GRM5: variants seen among roughly 807,000 people sequenced by gnomAD.
GRM5 encodes the protein metabotropic glutamate receptor 5.
Under a neutral mutation model 83.1 loss-of-function variants are expected in GRM5, and 19 were observed. That is an observed-to-expected ratio of 0.23 (90% CI 0.16 to 0.34). The LOEUF (loss-of-function observed/expected upper bound fraction) is 0.34. GRM5 is among the 10% of genes least tolerant of loss of function. GRM5 has a pLI of 1.00. For missense variants in GRM5, 1,160 were observed against 1,588.3 expected (o/e 0.73, Z 4.58); for synonymous variants, 675 against 633.6 (o/e 1.07, Z -0.98).
intron 2 of GRM5, among the ~76,000 whole-genome samples, chr11:88,992,778 A>G (rs143277999): frequency 0.097 from 14,640 of 150,608 alleles, 2,284 homozygotes; most frequent in African/African-American, 0.33. Context: ...CAAAAAACCA[A>G]GCACCACGTG....
At chr11:88,919,179 A>G (rs1945644894) in intron 2 of GRM5, among the ~76,000 whole-genome samples, 2 of 140,216 alleles carry the variant, frequency 1.4e-5, no homozygotes, top group African/African-American at 2.5e-5. Context: ...TACACTGAAA[A>G]AAAAAAAGAT....
At chr11:88,664,078 C>A (rs115475258) in intron 3 of GRM5, among the ~76,000 whole-genome samples, 2 of 152,092 alleles carry the variant, frequency 1.3e-5, no homozygotes, top group Non-Finnish European at 2.9e-5. Context: ...TTGCTAAGTT[C>A]TCTGCAGAGT....
intron 3 of GRM5, among the ~76,000 whole-genome samples, chr11:88,822,774 T>G (rs1943823287): frequency 1.3e-5 from 2 of 151,986 alleles, no homozygotes; most frequent in Admixed American, 1.3e-4. Context: ...ATTCTTTCTC[T>G]CTCTCTTTCT....
rs577004634 is a variant in GRM5, at chr11:88,681,760, G to T, written c.912-28357C>A. On this transcript the variant is annotated intron_variant, in intron 3 of 9. Transcript: ENST00000305447. Reference sequence around the variant, plus strand: ...TAATTTTTGTATTTTTAGTAGAGACGTGGTTTCACCATGTTGGCCATGCTG... The same window carrying T: ...TAATTTTTGTATTTTTAGTAGAGACTTGGTTTCACCATGTTGGCCATGCTG... 2.4e-4 allele frequency among the ~76,000 whole-genome samples: 36 copies of T among 150,988 alleles called. No individual in the cohort carries two copies. In the East Asian group the frequency reaches 6.6e-3, roughly 28 times the overall value.
intron 2 of GRM5, among the ~76,000 whole-genome samples, chr11:88,953,213 G>C (rs1938515745): frequency 6.6e-6 from 1 of 152,150 alleles, no homozygotes; most frequent in South Asian, 2.1e-4. Flanking sequence ...GAAAGAGAAA[G>C]GATCAAGACA....
intron 7 of GRM5, among the ~76,000 whole-genome samples, chr11:88,579,682 A>T (rs1328173423): frequency 6.6e-6 from 1 of 152,196 alleles, no homozygotes; most frequent in Non-Finnish European, 1.5e-5. Context: ...GGGAGGAAGA[A>T]CCAGATGAAG....
chr11:88,609,071 G>A (rs893832809), intron 4 of GRM5, among the ~76,000 whole-genome samples: 1 of 152,100 alleles, frequency 6.6e-6, no homozygotes, highest in African/African-American at 2.4e-5. Flanking sequence ...CTGAGGATTG[G>A]TGTATAAATG....
At chr11:88,944,213 A>G (rs1159044141) in intron 2 of GRM5, among the ~76,000 whole-genome samples, 1 of 151,992 alleles carries the variant, frequency 6.6e-6, no homozygotes, top group African/African-American at 2.4e-5. Flanking sequence ...CCAGAAAAAT[A>G]GAGAGAAGCC....
chr11:88,600,364 CTA>C (rs1261662673), intron 5 of GRM5, among the ~76,000 whole-genome samples: 2 of 132,630 alleles, frequency 1.5e-5, no homozygotes, highest in East Asian at 5.2e-4. Context: ...CTCTTGGTTT[CTA>C]TATTTCTCTG....
intron 9 of GRM5, among the ~76,000 whole-genome samples, chr11:88,514,260 A>G (rs983143025): frequency 2.0e-5 from 3 of 152,184 alleles, no homozygotes; most frequent in Admixed American, 6.5e-5. Flanking sequence ...CAGCATATCA[A>G]TAATGTTATT....
chr11:88,668,338 CACAG>C (rs1200388282), intron 3 of GRM5, among the ~76,000 whole-genome samples: 8 of 138,306 alleles, frequency 5.8e-5, no homozygotes, highest in Admixed American at 2.2e-4. Context: ...CACACACACA[CACAG>C]AGTCTGGCCC....
At chr11:88,837,750 A>G (rs1265224292) in intron 3 of GRM5, among the ~76,000 whole-genome samples, 1 of 152,078 alleles carries the variant, frequency 6.6e-6, no homozygotes, top group Admixed American at 6.6e-5. Flanking sequence ...TATTATTTAC[A>G]TTTCAGCTTA....
chr11:88,624,571 C>G (rs926086146), intron 4 of GRM5, among the ~76,000 whole-genome samples: 2 of 152,114 alleles, frequency 1.3e-5, no homozygotes, highest in African/African-American at 4.8e-5. Context: ...AATCCCAGTG[C>G]TTTGGGGGAC....
In GRM5 at chr11:89,042,034, T is replaced by C. The variant is rs1056228025; in HGVS notation, c.661+5178A>G. The stretch of plus-strand genomic sequence containing the variant: ...TCAAGAGCAAATTGATCATGCTATT[T>C]CTCAAGGCTAATTTTTATTTTTATT... On this transcript the variant is annotated intron_variant, in intron 2 of 9. Transcript: ENST00000305447. Among the ~76,000 whole-genome samples the C allele has an allele frequency of 9.2e-5, 14 of 152,134 alleles. 1 individual carries two copies. Among genetic ancestry groups the C allele is most frequent in the African/African-American group, 3.1e-4 (13 of 41,432 alleles).
At chr11:89,045,411 A>C (rs1941621350) in intron 2 of GRM5, among the ~76,000 whole-genome samples, 1 of 152,160 alleles carries the variant, frequency 6.6e-6, no homozygotes, top group African/African-American at 2.4e-5. Flanking sequence ...GATCCAATCA[A>C]ATTGTTTGCA....
At position 88,597,437 on chromosome 11, in the gene GRM5, G is replaced by A; in HGVS notation, c.1395-85C>T. 2.6e-5 allele frequency: 18 copies of A among 693,952 alleles called. No individual in the cohort carries two copies. The South Asian group carries it at 3.3e-4, about 13-fold the overall frequency. 43.0% of individuals were successfully genotyped at this position (693,952 alleles called of 1,614,324 possible). A position where few individuals can be genotyped will look rare whatever the true frequency, so the allele number is the denominator to read the frequency against. On this transcript the variant is annotated intron_variant, in intron 5 of 9. Coordinates refer to ENST00000305447, the MANE Select transcript of GRM5 (RefSeq NM_001143831.3). ...GGCAATATATTTTATTCCCAAAAAT[G>A]TGTCTATTGTCATATAAGTAGCACT...
intron 2 of GRM5, among the ~76,000 whole-genome samples, chr11:88,868,197 T>A (rs1427825524): frequency 6.6e-6 from 1 of 151,842 alleles, no homozygotes; most frequent in African/African-American, 2.4e-5. Flanking sequence ...GTTTCTGTCT[T>A]AGCTCTCATA....
chr11:88,864,759 T>C (rs1298009888), intron 2 of GRM5, among the ~76,000 whole-genome samples: 1 of 152,090 alleles, frequency 6.6e-6, no homozygotes, highest in Non-Finnish European at 1.5e-5. Context: ...TCAAATGGAA[T>C]GTTGCCAGTT....
In GRM5 at chr11:88,505,995, C is replaced by A. The variant is rs1941174462; in HGVS notation, c.*2597G>T. 1 of 152,090 alleles carries A rather than the reference C, an allele frequency of 6.6e-6. No individual in the cohort carries two copies. Among genetic ancestry groups the A allele is most frequent in the Non-Finnish European group, 1.5e-5 (1 of 68,010 alleles). The allele number at this position is 152,090 out of a possible 1,614,324, so 9.4% of individuals were successfully genotyped here. ...TTAGCATCATTCCAAAATAAAAGAT[C>A]TCAAGAATGCATTACTAATAATCTT... On this transcript the variant is annotated 3_prime_UTR_variant, in exon 10 of 10. Transcript: ENST00000305447.
Sources: allele counts gnomAD v4.1 joint callset (sites outside exome capture counted in the v4.1 genomes callset), GRCh38; gene constraint gnomAD v4.1.1; transcripts MANE v1.5; gene names NCBI Gene and HGNC (gene_info 2026-07-23, HGNC 2026-07-21).